Variants in HJV observed in about 807,000 individuals in gnomAD.
The protein encoded by HJV is hemojuvelin.
Under a neutral mutation model 22.7 loss-of-function variants are expected in HJV, and 18 were observed. That is an observed-to-expected ratio of 0.79 (90% CI 0.55 to 1.18). The LOEUF (loss-of-function observed/expected upper bound fraction) is 1.18, where lower values mean the gene tolerates loss of function less well. Among genes scored for constraint, HJV ranks in the 50% most tolerant of loss-of-function variants. The pLI, the probability that HJV is intolerant of heterozygous loss-of-function variation, is 0.00. For synonymous variants in HJV, 229 were observed against 222.7 expected, an observed-to-expected ratio of 1.03 and a Z score of -0.25; for missense variants, 572 against 553.0, an observed-to-expected ratio of 1.03 and a Z score of -0.34.
rs143033106 is a variant in HJV at position 146,019,374 on chromosome 1, C to T, written c.458G>A (p.Arg153Gln). Residue 153 changes from arginine (R) to glutamine (Q), a missense_variant, in exon 3 of 4, where the codon CGG becomes CAG. Physicochemically the swap from Arg to Gln is conservative, Grantham distance 43. Transcript: ENST00000336751. ...PAPDPCDYEG[R>Q]FSRLHGRPPG... ...GGGACGACCATGCAGCCGGGAAAACCGGCCTTCATAGTCACAAGGGTCCGG... is the reference window on the plus strand; with the variant it reads ...GGGACGACCATGCAGCCGGGAAAACTGGCCTTCATAGTCACAAGGGTCCGG... 10 of 1,613,796 alleles carry T rather than the reference C, an allele frequency of 6.2e-6. No individual in the cohort carries two copies. The South Asian group carries it at 1.1e-4, about 18-fold the overall frequency.
In HJV at chr1:146,020,246, G is replaced by C. The variant is rs112710709; in HGVS notation, c.-15C>G. 1.0e-5 allele frequency: 16 copies of C among 1,565,484 alleles called. No individual in the cohort carries two copies. In the African/African-American group the frequency reaches 1.2e-4, roughly 12 times the overall value. On this transcript the variant is annotated 5_prime_UTR_variant, in exon 2 of 4. Coordinates refer to ENST00000336751, the MANE Select transcript of HJV (RefSeq NM_213653.4). ...GGCTCCCCCATACCTATCCAGCCAG[G>C]TTTCCCAGGCGCCGGTTCTTCCCAG...
Position 146,020,277 on chromosome 1 carries a change from GA to G in HJV, c.-47del. ...CAGGCGCCGGTTCTTCCCAGCTGAT[GA>G]CCCTCCTACCTAGTGAATTTTGACC... is the stretch of plus-strand genomic sequence containing the variant. On this transcript the variant is annotated 5_prime_UTR_variant, in exon 2 of 4. Coordinates refer to ENST00000336751, the MANE Select transcript of HJV (RefSeq NM_213653.4). 1 of 1,231,838 alleles carries G rather than the reference GA, an allele frequency of 8.1e-7. No homozygotes were observed. The highest frequency in any genetic ancestry group is 1.2e-6 in the Non-Finnish European group (1 of 831,116). 76.3% of individuals were successfully genotyped at this position (1,231,838 alleles called of 1,614,324 possible). A position where few individuals can be genotyped will look rare whatever the true frequency, so the allele number is the denominator to read the frequency against.
In HJV at chr1:146,017,698, A is replaced by T. The variant is rs144643416; in HGVS notation, c.*379T>A. The stretch of plus-strand genomic sequence containing the variant: ...TCCTCCTTTGAGTTTCTTATGGCTA[A>T]TGATCATGTCTTCTGCTTTCAGCTC... On this transcript the variant is annotated 3_prime_UTR_variant, in exon 4 of 4. Transcript: ENST00000336751. 9.4e-5 allele frequency: 23 copies of T among 244,714 alleles called. No individual in the cohort carries two copies. The allele number at this position is 244,714 out of a possible 1,614,324, so 15.2% of individuals were successfully genotyped here.
intron 3 of HJV, 93 bp from the exon 4 acceptor site, chr1:146,018,793 A>T: frequency 7.5e-7 from 1 of 1,332,742 alleles, no homozygotes. Context: ...TGATCCAAGT[A>T]GAGATGCAGG....
chr1:146,020,119 C>G lies in HJV; in HGVS notation c.97+16G>C. 1 of 1,565,386 alleles carries G rather than the reference C, an allele frequency of 6.4e-7. No homozygotes were observed. Among genetic ancestry groups the G allele is most frequent in the Non-Finnish European group, 8.8e-7 (1 of 1,135,672 alleles). On this transcript the variant is annotated intron_variant, in intron 2 of 3. Coordinates refer to ENST00000336751, the MANE Select transcript of HJV (RefSeq NM_213653.4). ...CCCTCTAGATTTCCCCAAACCCTTC[C>G]CTGGCCCTTCCTTACCATGTCCACA...
Position 146,017,910 on chromosome 1 carries a change from A to C in HJV, c.*167T>G. ...TGCAGTAACCTTGCCCAGAATCCTT[A>C]TTCTGTGATAATTTCAACCCTGGAC... On this transcript the variant is annotated 3_prime_UTR_variant, in exon 4 of 4. Transcript: ENST00000336751. 1 of 762,120 alleles carries C rather than the reference A, an allele frequency of 1.3e-6. No individual in the cohort carries two copies. The allele number at this position is 762,120 out of a possible 1,614,324, so 47.2% of individuals were successfully genotyped here. A position where few individuals can be genotyped will look rare whatever the true frequency, so the allele number is the denominator to read the frequency against.
chr1:146,020,819 C>G (rs1284618396), intron 1 of HJV, among the ~76,000 whole-genome samples: 1 of 152,204 alleles, frequency 6.6e-6, no homozygotes, highest in African/African-American at 2.4e-5. Context: ...CCCATCCCGT[C>G]TAGAATATCA....
At chr1:146,018,920 T>A (rs1249536571) in intron 3 of HJV, among the ~76,000 whole-genome samples, 1 of 152,184 alleles carries the variant, frequency 6.6e-6, no homozygotes, top group Admixed American at 6.5e-5. Context: ...GGGAAAAGTT[T>A]CCCTTCTGAA....
Position 146,018,012 on chromosome 1 carries a change from C to A in HJV, c.*65G>T, listed in dbSNP as rs1272623615. On this transcript the variant is annotated 3_prime_UTR_variant, in exon 4 of 4. Transcript: ENST00000336751. ...CCCTGCTTCCTTTAATGATTCTTTA[C>A]ATTCTTCTATGCCAATCTGTATCTC... The A allele has an allele frequency of 6.4e-7, 1 of 1,559,758 alleles. No individual in the cohort carries two copies. Among genetic ancestry groups the A allele is most frequent in the African/African-American group, 1.4e-5 (1 of 73,686 alleles).
rs782106982 is a variant in HJV at position 146,018,360 on chromosome 1, T to C, written c.998A>G (p.Asn333Ser). ...PSQRLSRSER[N>S]RRGAITIDTA... is the part of the protein sequence containing the mutation. ...ATCAATGGTTATAGCTCCCCGACGATTGCGCTCTGATCGAGAGAGTCGCTG... is the reference window on the plus strand; with the variant it reads ...ATCAATGGTTATAGCTCCCCGACGACTGCGCTCTGATCGAGAGAGTCGCTG... Residue 333 changes from asparagine (N) to serine (S), a missense_variant, in exon 4 of 4, where the codon AAT becomes AGT. By Grantham distance (46) the Asn-to-Ser change is conservative. Coordinates refer to ENST00000336751, the MANE Select transcript of HJV (RefSeq NM_213653.4). The C allele has an allele frequency of 3.1e-6, 5 of 1,614,078 alleles. No individual in the cohort carries two copies. The African/African-American group carries it at 6.7e-5, about 22-fold the overall frequency.
chr1:146,018,840 T>C, intron 3 of HJV, 140 bp from the exon 4 acceptor site: 1 of 965,066 alleles, frequency 1.0e-6, no homozygotes, highest in African/African-American at 1.6e-5. Context: ...CCTTCTCCTA[T>C]TTATGTTCCA....
rs1475264827 is a variant in HJV, at chr1:146,019,501, C to G, written c.331G>C (p.Glu111Gln). The change falls in exon 3 of 4, where the codon GAA (glutamate) becomes CAA (glutamine). Residue 111 changes from glutamate to glutamine, a missense_variant. Glu to Gln is a conservative substitution (Grantham distance 29). Coordinates refer to ENST00000336751, the MANE Select transcript of HJV (RefSeq NM_213653.4). Reference sequence around the variant, plus strand: ...CAGTTGTGCTGGATCATCAGGTCTTCGATGCCATGTACCGCCGAATGGAAG... The same window carrying G: ...CAGTTGTGCTGGATCATCAGGTCTTGGATGCCATGTACCGCCGAATGGAAG... ...LAFHSAVHGI[E>Q]DLMIQHNCSR... 6.2e-7 allele frequency: 1 copy of G among 1,612,768 alleles called. No homozygotes were observed. Among genetic ancestry groups the G allele is most frequent in the East Asian group, 2.2e-5 (1 of 44,886 alleles).
Position 146,019,625 on chromosome 1 carries a change from G to A in HJV, c.207C>T (p.Gly69=), listed in dbSNP as rs1156405105. The A allele has an allele frequency of 1.2e-6, 2 of 1,608,888 alleles. No homozygotes were observed. Among genetic ancestry groups the A allele is most frequent in the Middle Eastern group, 1.6e-4 (1 of 6,064 alleles). The change falls in exon 3 of 4, where the codon GGC becomes GGT. Residue 69 remains glycine (G), a synonymous_variant. Coordinates refer to ENST00000336751, the MANE Select transcript of HJV (RefSeq NM_213653.4). The part of the protein sequence containing the change: ...SGALRGGGGG[G]RGGGVGSGGL... The stretch of plus-strand genomic sequence containing the variant: ...CGCCAGAGCCCACCCCTCCACCCCG[G>A]CCTCCTCCTCCTCCTCCTCGAAGTG...
chr1:146,017,928 C>G lies in HJV; in HGVS notation c.*149G>C. 2 of 873,824 alleles carry G rather than the reference C, an allele frequency of 2.3e-6. No individual in the cohort carries two copies. The highest frequency in any genetic ancestry group is 3.6e-6 in the Non-Finnish European group (2 of 552,052). 54.1% of individuals were successfully genotyped at this position (873,824 alleles called of 1,614,324 possible). ...AATCCTTATTCTGTGATAATTTCAA[C>G]CCTGGACTGCAGCCTCATCTGACTC... On this transcript the variant is annotated 3_prime_UTR_variant, in exon 4 of 4. Transcript: ENST00000336751.
In HJV at chr1:146,019,402, C is replaced by G. The variant is rs782086326; in HGVS notation, c.430G>C (p.Ala144Pro). 1 of 1,613,218 alleles carries G rather than the reference C, an allele frequency of 6.2e-7. No individual in the cohort carries two copies. Among genetic ancestry groups the G allele is most frequent in the Non-Finnish European group, 8.5e-7 (1 of 1,179,806 alleles). ...ALPGAGSGLP[A>P]PDPCDYEGRF... The stretch of plus-strand genomic sequence containing the variant: ...CCTTCATAGTCACAAGGGTCCGGGG[C>G]AGGGAGGCCGGAGCCCGCGCCTGGA... Residue 144 changes from alanine to proline, a missense_variant, in exon 3 of 4, where the codon GCC becomes CCC. Physicochemically the swap from Ala to Pro is conservative, Grantham distance 27. Coordinates refer to ENST00000336751, the MANE Select transcript of HJV (RefSeq NM_213653.4).
chr1:146,021,237 G>A (rs1652715960), intron 1 of HJV, among the ~76,000 whole-genome samples: 1 of 152,196 alleles, frequency 6.6e-6, no homozygotes, highest in Non-Finnish European at 1.5e-5. Flanking sequence ...GGGCAGGATA[G>A]AAGGGTATCA....
At position 146,020,075 on chromosome 1, in the gene HJV, A is replaced by C. The variant is rs1460111533; in HGVS notation, c.97+60T>G. 3.4e-6 allele frequency: 4 copies of C among 1,180,606 alleles called. No individual in the cohort carries two copies. In the African/African-American group the frequency reaches 6.0e-5, roughly 18 times the overall value. 73.1% of individuals were successfully genotyped at this position (1,180,606 alleles called of 1,614,324 possible). A position where few individuals can be genotyped will look rare whatever the true frequency, so the allele number is the denominator to read the frequency against. On this transcript the variant is annotated intron_variant, in intron 2 of 3. Coordinates refer to ENST00000336751, the MANE Select transcript of HJV (RefSeq NM_213653.4). ...CTCACTCATTCAGGCTCACATGCCC[A>C]CCCCTACATAGCAGCCTACCCTCTA...
rs950570782 is a variant in HJV, at chr1:146,017,692, T to C, written c.*385A>G. ...ATGTCTTCCTCCTTTGAGTTTCTTA[T>C]GGCTAATGATCATGTCTTCTGCTTT... On this transcript the variant is annotated 3_prime_UTR_variant, in exon 4 of 4. Transcript: ENST00000336751. The C allele has an allele frequency of 4.2e-6, 1 of 237,014 alleles. No individual in the cohort carries two copies. The highest frequency in any genetic ancestry group is 5.2e-5 in the Admixed American group (1 of 19,192). 14.7% of individuals were successfully genotyped at this position (237,014 alleles called of 1,614,324 possible).
At chr1:146,020,033 C>G in intron 2 of HJV, 102 bp downstream of exon 2, 1 of 898,392 alleles carries the variant, frequency 1.1e-6, no homozygotes, top group Non-Finnish European at 1.9e-6. Context: ...GATCGGGACT[C>G]TCAGCGCCTA....
Sources: allele counts gnomAD v4.1 joint callset (sites outside exome capture counted in the v4.1 genomes callset), GRCh38; gene constraint gnomAD v4.1.1; transcripts MANE v1.5; gene names NCBI Gene and HGNC (gene_info 2026-07-23, HGNC 2026-07-21).